The following CHN2 variants were observed in gnomAD, a reference collection of about 807,000 sequenced individuals.
CHN2 encodes beta-chimaerin.
A neutral mutation model predicts 56.3 loss-of-function variants in CHN2; 35 were observed. The ratio of observed to expected loss-of-function variants is 0.62; its 90% CI spans 0.47 to 0.82. CHN2 has a LOEUF of 0.82. Ranked by LOEUF, CHN2 falls within the 40% of genes least tolerant of loss-of-function variation. The pLI, the probability that CHN2 is intolerant of heterozygous loss-of-function variation, is 0.00. For missense variants in CHN2, 491 were observed against 580.5 expected, an observed-to-expected ratio of 0.85 and a Z score of 1.58; for synonymous variants, 210 against 212.8, an observed-to-expected ratio of 0.99 and a Z score of 0.12.
chr7:29,477,949 G>A (rs2128538131), intron 6 of CHN2, among the ~76,000 whole-genome samples: 1 of 152,314 alleles, frequency 6.6e-6, no homozygotes, highest in East Asian at 1.9e-4. Flanking sequence ...CTTTTGTAGG[G>A]GGAAACAAAA....
chr7:29,367,749 G>A (rs1799279772), intron 2 of CHN2, among the ~76,000 whole-genome samples, 183 bp from the exon 3 acceptor site: 2 of 152,124 alleles, frequency 1.3e-5, no homozygotes, highest in Non-Finnish European at 1.5e-5. Context: ...TATTCACAGT[G>A]ACTAATTTCC....
intron 6 of CHN2, among the ~76,000 whole-genome samples, chr7:29,463,351 C>G (rs1455750537): frequency 1.3e-5 from 2 of 152,094 alleles, no homozygotes. Flanking sequence ...GTAAGGAAAC[C>G]AGGGCAAAGC....
At chr7:29,478,594 A>T (rs971179443) in intron 6 of CHN2, among the ~76,000 whole-genome samples, 2 of 152,180 alleles carry the variant, frequency 1.3e-5, no homozygotes, top group African/African-American at 4.8e-5. Flanking sequence ...CTGGACACAG[A>T]TGCTTTGTGT....
intron 1 of CHN2, among the ~76,000 whole-genome samples, chr7:29,312,139 C>G (rs1286890035): frequency 6.6e-6 from 1 of 152,216 alleles, no homozygotes; most frequent in Non-Finnish European, 1.5e-5. Context: ...CGAATCATGA[C>G]TGCCTGTTGC....
chr7:29,228,894 T>A (rs1786441769), intron 1 of CHN2, among the ~76,000 whole-genome samples: 1 of 152,210 alleles, frequency 6.6e-6, no homozygotes, highest in Non-Finnish European at 1.5e-5. Context: ...CCGCCCTCCT[T>A]CCTGAGCTCT....
At chr7:29,418,368 A>G (rs897779899) in intron 6 of CHN2, among the ~76,000 whole-genome samples, 1 of 152,244 alleles carries the variant, frequency 6.6e-6, no homozygotes, top group Non-Finnish European at 1.5e-5. Flanking sequence ...TGGCATTTTC[A>G]GAAAAGTTGC....
chr7:29,380,325 A>T (rs1201014790), intron 3 of CHN2, among the ~76,000 whole-genome samples: 1 of 152,212 alleles, frequency 6.6e-6, no homozygotes, highest in Admixed American at 6.5e-5. Flanking sequence ...ATAAAGCACA[A>T]ATACCTATAT....
chr7:29,166,954 T>C (rs775072832), intron 2 of CHN2, among the ~76,000 whole-genome samples: 1 of 152,140 alleles, frequency 6.6e-6, no homozygotes, highest in Non-Finnish European at 1.5e-5. Context: ...ATTGACTGAT[T>C]TTTCTCCACA....
chr7:29,379,177 A>G (rs1279381394), intron 3 of CHN2, among the ~76,000 whole-genome samples: 1 of 152,222 alleles, frequency 6.6e-6, no homozygotes, highest in African/African-American at 2.4e-5. Flanking sequence ...CATGTTTAAC[A>G]TGCATAAATT....
intron 2 of CHN2, among the ~76,000 whole-genome samples, chr7:29,366,799 A>G (rs1362970373): frequency 1.3e-5 from 2 of 152,210 alleles, no homozygotes; most frequent in Non-Finnish European, 2.9e-5. Context: ...CAGGTAGTCT[A>G]CACTAATTAG....
At chr7:29,358,039 C>T (rs1459362688) in intron 2 of CHN2, among the ~76,000 whole-genome samples, 2 of 152,160 alleles carry the variant, frequency 1.3e-5, no homozygotes, top group South Asian at 2.1e-4. Flanking sequence ...ACTATCAATT[C>T]TCTCATATAT....
At chr7:29,459,308 G>A (rs576682594) in intron 6 of CHN2, among the ~76,000 whole-genome samples, 1 of 152,176 alleles carries the variant, frequency 6.6e-6, no homozygotes, top group South Asian at 2.1e-4. Context: ...TTTCTCCTTT[G>A]CCACTAATTC....
chr7:29,409,981 A>G (rs1803049685), intron 6 of CHN2, among the ~76,000 whole-genome samples: 1 of 152,192 alleles, frequency 6.6e-6, no homozygotes, highest in South Asian at 2.1e-4. Context: ...ATGAGGAGGC[A>G]TTCTTCTGGA....
At chr7:29,425,128 C>T (rs1001860346) in intron 6 of CHN2, among the ~76,000 whole-genome samples, 6 of 152,196 alleles carry the variant, frequency 3.9e-5, no homozygotes, top group Non-Finnish European at 5.9e-5. Context: ...AGATCTCACT[C>T]GTTCGCTGTC....
At chr7:29,299,861 A>T (rs1444210342) in intron 1 of CHN2, among the ~76,000 whole-genome samples, 3 of 152,194 alleles carry the variant, frequency 2.0e-5, no homozygotes, top group African/African-American at 7.2e-5. Flanking sequence ...TAAAAGCATA[A>T]GTTCCCGAGA....
intron 6 of CHN2, among the ~76,000 whole-genome samples, chr7:29,420,130 G>T (rs1804188632): frequency 6.6e-6 from 1 of 152,088 alleles, no homozygotes; most frequent in South Asian, 2.1e-4. Flanking sequence ...ACAAGTGTTG[G>T]TATGGATGTG....
intron 3 of CHN2, among the ~76,000 whole-genome samples, chr7:29,379,566 G>A (rs1800332821): frequency 6.6e-6 from 1 of 152,228 alleles, no homozygotes. Flanking sequence ...AGCAAGAATA[G>A]TAAAAATGCT....
chr7:29,327,490 G>A (rs937236889), intron 1 of CHN2, among the ~76,000 whole-genome samples: 1 of 152,134 alleles, frequency 6.6e-6, no homozygotes, highest in African/African-American at 2.4e-5. Flanking sequence ...TATCTGGAGC[G>A]ATATTTAATT....
intron 1 of CHN2, among the ~76,000 whole-genome samples, chr7:29,284,333 G>T (rs898509357): frequency 6.6e-6 from 1 of 152,190 alleles, no homozygotes; most frequent in African/African-American, 2.4e-5. Flanking sequence ...AACCTCAGGT[G>T]ATCTGCCTGC....
Sources: gnomAD v4.1 joint callset for allele counts (sites outside exome capture counted in the v4.1 genomes callset) on GRCh38, gnomAD v4.1.1 for gene constraint, MANE v1.5 for transcripts, NCBI Gene and HGNC (gene_info 2026-07-23, HGNC 2026-07-21) for gene names.